The following METTL24 variants were observed in gnomAD, a reference collection of about 807,000 sequenced individuals.
METTL24 encodes the protein probable methyltransferase-like protein 24.
METTL24 carries 29 observed loss-of-function variants against 32.7 expected under a neutral mutation model. The ratio of observed to expected loss-of-function variants is 0.89; its 90% CI spans 0.66 to 1.21. METTL24 has a LOEUF of 1.21. Among genes scored for constraint, METTL24 ranks in the 50% most tolerant of loss-of-function variants. The pLI, the probability that METTL24 is intolerant of heterozygous loss-of-function variation, is 0.00. For synonymous variants in METTL24, 163 were observed against 179.5 expected (o/e 0.91, Z 0.73); for missense variants, 439 against 468.1 (o/e 0.94, Z 0.57).
chr6:110,304,524 C>G (rs541596107), intron 3 of METTL24, among the ~76,000 whole-genome samples: 1 of 152,190 alleles, frequency 6.6e-6, no homozygotes, highest in East Asian at 1.9e-4. Flanking sequence ...ATGAACCATA[C>G]ACAAATATCA....
chr6:110,319,073 C>T (rs938694567), intron 2 of METTL24, among the ~76,000 whole-genome samples: 6 of 152,100 alleles, frequency 3.9e-5, no homozygotes, highest in African/African-American at 1.4e-4. Context: ...ATCCCAAAAG[C>T]TTGAATGGTA....
In METTL24 at chr6:110,347,669, T is replaced by C. The variant is rs567018728; in HGVS notation, c.318+10286A>G. The stretch of plus-strand genomic sequence containing the variant: ...TAAGTGACCCAGTTAATAGGAAATT[T>C]GTAAACATTCTTTTGAGGGAAAATG... On this transcript the variant is annotated intron_variant, in intron 1 of 4. Transcript: ENST00000338882. Among the ~76,000 whole-genome samples the C allele has an allele frequency of 1.2e-3, 187 of 152,330 alleles. 1 individual carries two copies. Among genetic ancestry groups the C allele is most frequent in the African/African-American group, 4.4e-3 (182 of 41,586 alleles).
At chr6:110,297,204 A>G (rs1582408379) in intron 4 of METTL24, among the ~76,000 whole-genome samples, 2 of 152,342 alleles carry the variant, frequency 1.3e-5, no homozygotes, top group Admixed American at 6.5e-5. Flanking sequence ...TATTTCTGCT[A>G]TCTCAGGAGC....
intron 1 of METTL24, among the ~76,000 whole-genome samples, chr6:110,342,250 T>G (rs1042069492): frequency 1.4e-4 from 22 of 152,188 alleles, no homozygotes; most frequent in Non-Finnish European, 3.1e-4. Context: ...TGCAGGGCTG[T>G]GTGTATCTGA....
intron 1 of METTL24, among the ~76,000 whole-genome samples, chr6:110,332,137 A>G (rs1239590848): frequency 6.6e-6 from 1 of 152,252 alleles, no homozygotes; most frequent in African/African-American, 2.4e-5. Context: ...GAAAAAATGC[A>G]TTATAATTCA....
chr6:110,261,021 T>G (rs1770710865), intron 4 of METTL24, among the ~76,000 whole-genome samples: 1 of 152,090 alleles, frequency 6.6e-6, no homozygotes, highest in African/African-American at 2.4e-5. Context: ...CATGCCAAAT[T>G]GTAAAGACCA....
At chr6:110,268,396 C>T (rs1770896866) in intron 4 of METTL24, among the ~76,000 whole-genome samples, 1 of 152,114 alleles carries the variant, frequency 6.6e-6, no homozygotes, top group African/African-American at 2.4e-5. Flanking sequence ...ATTGAAGGAT[C>T]CAAGCACAAA....
chr6:110,318,300 TC>T (rs1241172945), intron 2 of METTL24, among the ~76,000 whole-genome samples: 2 of 152,152 alleles, frequency 1.3e-5, no homozygotes, highest in Admixed American at 1.3e-4. Context: ...GAAGAGACAT[TC>T]TTTTTCATTC....
At chr6:110,331,377 G>A (rs1772107291) in intron 1 of METTL24, among the ~76,000 whole-genome samples, 1 of 151,932 alleles carries the variant, frequency 6.6e-6, no homozygotes, top group South Asian at 2.1e-4. Context: ...GAAATAATGA[G>A]GCCAGGCACG....
At chr6:110,339,241 T>C (rs1037717162) in intron 1 of METTL24, among the ~76,000 whole-genome samples, 2 of 152,204 alleles carry the variant, frequency 1.3e-5, no homozygotes, top group Non-Finnish European at 2.9e-5. Flanking sequence ...ATCTGTGCAC[T>C]CCTGCAGCTA....
At chr6:110,329,828 G>C (rs922618725) in intron 1 of METTL24, among the ~76,000 whole-genome samples, 3 of 152,194 alleles carry the variant, frequency 2.0e-5, no homozygotes, top group Admixed American at 6.5e-5. Context: ...CTCAGTTTCC[G>C]TTCTGGGTAA....
At chr6:110,275,026 T>C (rs1432367147) in intron 4 of METTL24, among the ~76,000 whole-genome samples, 1 of 151,578 alleles carries the variant, frequency 6.6e-6, no homozygotes, top group African/African-American at 2.4e-5. Context: ...CTCAAACTCC[T>C]GGGCTCAAGT....
intron 4 of METTL24, among the ~76,000 whole-genome samples, chr6:110,272,432 G>C (rs1047250298): frequency 1.3e-5 from 2 of 152,146 alleles, no homozygotes; most frequent in Non-Finnish European, 2.9e-5. Context: ...CCATAAATGT[G>C]TGTGCATGTG....
At chr6:110,319,418 G>GAGATAGAT (rs10659634) in intron 2 of METTL24, among the ~76,000 whole-genome samples, 20,851 of 148,578 alleles carry the variant, frequency 0.14, 1,579 homozygotes, top group African/African-American at 0.17. Flanking sequence ...TAGAGAGGTA[G>GAGATAGAT]AGATAGATAG....
intron 4 of METTL24, among the ~76,000 whole-genome samples, chr6:110,293,143 A>G (rs1771349355): frequency 6.6e-6 from 1 of 151,980 alleles, no homozygotes; most frequent in African/African-American, 2.4e-5. Context: ...CCTATTGGCA[A>G]TTTTATTTGG....
intron 2 of METTL24, among the ~76,000 whole-genome samples, chr6:110,318,186 A>G (rs1331559314): frequency 6.6e-6 from 1 of 152,228 alleles, no homozygotes; most frequent in Non-Finnish European, 1.5e-5. Context: ...CTCCTTTGCT[A>G]AAGTCAGGAA....
chr6:110,357,469 C>G (rs979737794), intron 1 of METTL24: 1 of 152,282 alleles, frequency 6.6e-6, no homozygotes, highest in African/African-American at 2.4e-5. Flanking sequence ...GCTGGTGGAT[C>G]TTCAGCGAGA....
At chr6:110,321,718 C>A (rs1317427316) in intron 2 of METTL24, among the ~76,000 whole-genome samples, 2 of 152,188 alleles carry the variant, frequency 1.3e-5, no homozygotes, top group Non-Finnish European at 2.9e-5. Flanking sequence ...CTTTTACGTC[C>A]ATGTTTGGGT....
chr6:110,357,439 A>G (rs948025502), intron 1 of METTL24: 1 of 152,020 alleles, frequency 6.6e-6, no homozygotes, highest in Non-Finnish European at 1.5e-5. Context: ...CTGGAATGAG[A>G]CTCCAGGGAA....
Sources: gnomAD v4.1 joint callset for allele counts (sites outside exome capture counted in the v4.1 genomes callset) on GRCh38, gnomAD v4.1.1 for gene constraint, MANE v1.5 for transcripts, NCBI Gene and HGNC (gene_info 2026-07-23, HGNC 2026-07-21) for gene names.